PTPRT: variants seen among roughly 807,000 people sequenced by gnomAD.
PTPRT encodes the protein receptor-type tyrosine-protein phosphatase T.
In PTPRT, 56 loss-of-function variants were observed where a neutral mutation model predicts 176.8. The ratio of observed to expected loss-of-function variants is 0.32; its 90% CI spans 0.26 to 0.40. The LOEUF is 0.40. Ranked by LOEUF, PTPRT falls within the 10% of genes least tolerant of loss-of-function variation. The pLI is 1.00. For synonymous variants in PTPRT, 783 were observed against 739.0 expected (o/e 1.06, Z -0.96); for missense variants, 1,540 against 1,908.2 (o/e 0.81, Z 3.60).
chr20:43,072,565 A>C (rs77720908), intron 1 of PTPRT, among the ~76,000 whole-genome samples: 6,892 of 152,268 alleles, frequency 0.045, 416 homozygotes, highest in African/African-American at 0.14. Context: ...AAAAAGAAAA[A>C]AAAACTCATT....
At chr20:43,083,449 C>A (rs1457147178) in intron 1 of PTPRT, among the ~76,000 whole-genome samples, 2 of 149,084 alleles carry the variant, frequency 1.3e-5, no homozygotes, top group African/African-American at 4.9e-5. Context: ...CAACCTCTGC[C>A]TCCTGGGTTC....
At chr20:42,602,188 C>A (rs564904681) in intron 7 of PTPRT, among the ~76,000 whole-genome samples, 2 of 152,130 alleles carry the variant, frequency 1.3e-5, no homozygotes, top group Non-Finnish European at 1.5e-5. Flanking sequence ...CTAACACATT[C>A]ATTTTCTTCT....
intron 7 of PTPRT, among the ~76,000 whole-genome samples, chr20:42,584,629 A>G (rs2073440189): frequency 6.6e-6 from 1 of 152,090 alleles, no homozygotes; most frequent in Admixed American, 6.5e-5. Context: ...CCACTTTCAC[A>G]ATATTAATAT....
At chr20:42,731,389 G>T (rs574829211) in intron 6 of PTPRT, among the ~76,000 whole-genome samples, 2 of 152,212 alleles carry the variant, frequency 1.3e-5, no homozygotes, top group Non-Finnish European at 2.9e-5. Flanking sequence ...GAGCAGGCAA[G>T]ATCAGAAAAG....
intron 1 of PTPRT, among the ~76,000 whole-genome samples, chr20:43,111,530 C>T (rs55881093): frequency 6.4e-5 from 8 of 124,672 alleles, no homozygotes; most frequent in East Asian, 4.5e-4. Flanking sequence ...GGGGACAGAG[C>T]GAGACTCCGT....
chr20:42,413,455 C>T lies in PTPRT; in HGVS notation c.1560+34765G>A, dbSNP rs183732909. On this transcript the variant is annotated intron_variant, in intron 9 of 30. Coordinates refer to ENST00000373187, the MANE Select transcript of PTPRT (RefSeq NM_007050.6). ...TTCCTTTTTAAAGCTACTCTCACCC[C>T]CATAGCAAAACTTAACAAAAGGTAG... 4.6e-4 allele frequency among the ~76,000 whole-genome samples: 70 copies of T among 152,182 alleles called. No individual in the cohort carries two copies. The East Asian group carries it at 8.9e-3, about 19-fold the overall frequency.
At chr20:42,540,224 G>T (rs1213857874) in intron 7 of PTPRT, among the ~76,000 whole-genome samples, 1 of 152,164 alleles carries the variant, frequency 6.6e-6, no homozygotes, top group Non-Finnish European at 1.5e-5. Context: ...CACACTGGAT[G>T]CTGGGATGTA....
intron 1 of PTPRT, among the ~76,000 whole-genome samples, chr20:42,955,111 G>A (rs206657): frequency 0.016 from 2,485 of 152,202 alleles, 71 homozygotes; most frequent in African/African-American, 0.056. Flanking sequence ...CACAACACAC[G>A]TTGCCATAGC....
intron 7 of PTPRT, among the ~76,000 whole-genome samples, chr20:42,646,705 G>A (rs2074908062): frequency 1.3e-5 from 2 of 151,842 alleles, no homozygotes; most frequent in African/African-American, 2.4e-5. Flanking sequence ...CTGTTGGATG[G>A]TGCTGCACTA....
In PTPRT at chr20:42,749,769, T is replaced by C. The variant is rs565928252; in HGVS notation, c.859+6693A>G. Among the ~76,000 whole-genome samples, 7 of 152,356 alleles carry C rather than the reference T, an allele frequency of 4.6e-5. No individual in the cohort carries two copies. The East Asian group carries it at 1.3e-3, about 29-fold the overall frequency. ...CACAGTTGGGCTCCATAAACCTTTA[T>C]TAAGCAAATGAATACAGGAATGAGT... On this transcript the variant is annotated intron_variant, in intron 6 of 30. Coordinates refer to ENST00000373187, the MANE Select transcript of PTPRT (RefSeq NM_007050.6).
chr20:42,882,426 A>G (rs1177276147), intron 2 of PTPRT, among the ~76,000 whole-genome samples: 1 of 152,218 alleles, frequency 6.6e-6, no homozygotes, highest in African/African-American at 2.4e-5. Context: ...TATTAGAAGC[A>G]AAAGCCATGT....
intron 7 of PTPRT, among the ~76,000 whole-genome samples, chr20:42,659,744 T>C (rs1024254599): frequency 3.3e-5 from 5 of 152,224 alleles, no homozygotes; most frequent in Admixed American, 6.5e-5. Context: ...TTAGTTCATA[T>C]ACAGTCCTAT....
chr20:42,615,955 G>C lies in PTPRT; in HGVS notation c.1153+61911C>G, dbSNP rs1469904393. On this transcript the variant is annotated intron_variant, in intron 7 of 30. Transcript: ENST00000373187. ...TCTTTAGTTTAATGAGATCCCATTT[G>C]TGAATTTTGGCTTTTGTTGCCATTG... Among the ~76,000 whole-genome samples, 165 of 121,244 alleles carry C rather than the reference G, an allele frequency of 1.4e-3. 29 individuals carry two copies. Among genetic ancestry groups the C allele is most frequent in the Non-Finnish European group, 2.1e-3 (127 of 60,260 alleles). The allele number at this position is 121,244 out of a possible 152,430, so 79.5% of individuals were successfully genotyped here.
intron 12 of PTPRT, among the ~76,000 whole-genome samples, chr20:42,297,661 C>T (rs990941138): frequency 2.0e-5 from 3 of 151,954 alleles, no homozygotes; most frequent in African/African-American, 7.3e-5. Flanking sequence ...GGGGCTGCTG[C>T]GTAAATAGCC....
At position 43,157,079 on chromosome 20, in the gene PTPRT, C is replaced by T. The variant is rs117407783; in HGVS notation, c.88+32567G>A. Among the ~76,000 whole-genome samples the T allele has an allele frequency of 7.7e-3, 1,177 of 152,080 alleles. 13 individuals are homozygous for T. Among genetic ancestry groups the T allele is most frequent in the South Asian group, 0.038 (183 of 4,814 alleles). ...TAAAAAAAAAGACACAGGCTGGGCA[C>T]GGTGGCTCACTCCTATCATCCCAGC... On this transcript the variant is annotated intron_variant, in intron 1 of 30. Coordinates refer to ENST00000373187, the MANE Select transcript of PTPRT (RefSeq NM_007050.6).
intron 7 of PTPRT, among the ~76,000 whole-genome samples, chr20:42,643,126 A>G (rs189578360): frequency 2.0e-4 from 30 of 152,232 alleles, no homozygotes; most frequent in African/African-American, 7.2e-4. Flanking sequence ...ATGCACATTG[A>G]GTATTGTTAC....
At chr20:42,468,942 G>A (rs2071146009) in intron 8 of PTPRT, among the ~76,000 whole-genome samples, 1 of 152,174 alleles carries the variant, frequency 6.6e-6, no homozygotes. Context: ...GCCACTTTTT[G>A]AGCATCTACA....
At chr20:42,350,228 T>G (rs867872184) in intron 11 of PTPRT, among the ~76,000 whole-genome samples, 1,797 of 118,018 alleles carry the variant, frequency 0.015, 49 homozygotes, top group African/African-American at 0.059. Context: ...TTTTTTTTTT[T>G]TTTTTTTTTT....
At chr20:42,767,345 C>T (rs895794512) in intron 5 of PTPRT, among the ~76,000 whole-genome samples, 3 of 152,062 alleles carry the variant, frequency 2.0e-5, no homozygotes, top group African/African-American at 7.2e-5. Context: ...AAGAATAGAA[C>T]AGAAAAGCAG....
Sources: gnomAD v4.1 joint callset for allele counts (sites outside exome capture counted in the v4.1 genomes callset) on GRCh38, gnomAD v4.1.1 for gene constraint, MANE v1.5 for transcripts, NCBI Gene and HGNC (gene_info 2026-07-23, HGNC 2026-07-21) for gene names.